FBXO28: variants seen among roughly 807,000 people sequenced by gnomAD.
The protein encoded by FBXO28 is F-box only protein 28.
A neutral mutation model predicts 38.1 loss-of-function variants in FBXO28; 8 were observed. That is an observed-to-expected ratio of 0.21 (90% CI 0.12 to 0.38). The LOEUF (loss-of-function observed/expected upper bound fraction) is 0.38, where lower values mean the gene tolerates loss of function less well. Ranked by LOEUF, FBXO28 falls within the 10% of genes least tolerant of loss-of-function variation. FBXO28 has a pLI of 1.00. For missense variants in FBXO28, 345 were observed against 460.6 expected (o/e 0.75, Z 2.30); for synonymous variants, 168 against 173.8 (o/e 0.97, Z 0.26).
intron 1 of FBXO28, among the ~76,000 whole-genome samples, chr1:224,126,916 C>T (rs960575103): frequency 9.9e-5 from 15 of 152,104 alleles, no homozygotes; most frequent in Admixed American, 3.3e-4. Context: ...TCAAGTCTTC[C>T]GGCTGATTTT....
At chr1:224,115,096 A>G (rs1656615711) in intron 1 of FBXO28, among the ~76,000 whole-genome samples, 1 of 152,042 alleles carries the variant, frequency 6.6e-6, no homozygotes, top group African/African-American at 2.4e-5. Flanking sequence ...CTCTTTTGCA[A>G]TTTATTTTTA....
At chr1:224,150,234 G>A (rs1334442342) in intron 3 of FBXO28, among the ~76,000 whole-genome samples, 1 of 152,158 alleles carries the variant, frequency 6.6e-6, no homozygotes, top group Non-Finnish European at 1.5e-5. Flanking sequence ...TGAGGCAGGA[G>A]AATTGCTTGA....
intron 4 of FBXO28, among the ~76,000 whole-genome samples, chr1:224,154,754 G>T (rs1657731611): frequency 6.6e-6 from 1 of 151,410 alleles, no homozygotes; most frequent in South Asian, 2.1e-4. Flanking sequence ...CTTGCAGTGA[G>T]CCGAGATTGA....
At chr1:224,120,875 AAAAAG>A (rs200123194) in intron 1 of FBXO28, among the ~76,000 whole-genome samples, 9,245 of 150,894 alleles carry the variant, frequency 0.061, 796 homozygotes, top group African/African-American at 0.2. Context: ...AAAAAAAAAA[AAAAAG>A]AAAGAAAGAA....
chr1:224,133,118 G>A (rs1430968239), intron 2 of FBXO28, among the ~76,000 whole-genome samples: 1 of 152,174 alleles, frequency 6.6e-6, no homozygotes, highest in Admixed American at 6.6e-5. Context: ...AAAGAAGCCA[G>A]AAACATAAGG....
intron 3 of FBXO28, among the ~76,000 whole-genome samples, chr1:224,146,203 C>T (rs1339366445): frequency 6.6e-6 from 1 of 151,084 alleles, no homozygotes; most frequent in Admixed American, 6.6e-5. Context: ...CATCACACTC[C>T]AGCCTGGGCG....
intron 2 of FBXO28, 104 bp downstream of exon 2, chr1:224,130,685 T>C: frequency 3.0e-6 from 2 of 677,198 alleles, no homozygotes; most frequent in Middle Eastern, 2.6e-4. Flanking sequence ...CAAGTTTTTA[T>C]AGCAAAGGGC....
At chr1:224,120,666 C>G (rs185645467) in intron 1 of FBXO28, among the ~76,000 whole-genome samples, 1 of 152,088 alleles carries the variant, frequency 6.6e-6, no homozygotes, top group African/African-American at 2.4e-5. Flanking sequence ...AGTTCGAGAC[C>G]AGCCTTACCA....
chr1:224,131,121 G>A (rs553411555), intron 2 of FBXO28: 1 of 152,280 alleles, frequency 6.6e-6, no homozygotes, highest in Non-Finnish European at 1.5e-5. Context: ...TTAAATAAGT[G>A]GAAAGGCATT....
At chr1:224,117,655 A>G (rs1487008304) in intron 1 of FBXO28, among the ~76,000 whole-genome samples, 6 of 152,198 alleles carry the variant, frequency 3.9e-5, no homozygotes, top group Admixed American at 3.3e-4. Context: ...TATGTCACCC[A>G]GGCCCCCTTG....
At chr1:224,122,614 C>G (rs902295922) in intron 1 of FBXO28, among the ~76,000 whole-genome samples, 2 of 151,982 alleles carry the variant, frequency 1.3e-5, no homozygotes, top group Admixed American at 1.3e-4. Flanking sequence ...ACAGCCCCCC[C>G]CAAGCCCCGC....
At chr1:224,119,735 T>G (rs1265622940) in intron 1 of FBXO28, among the ~76,000 whole-genome samples, 2 of 152,148 alleles carry the variant, frequency 1.3e-5, no homozygotes, top group Non-Finnish European at 2.9e-5. Context: ...AGATAATAAG[T>G]TTTTATCCAG....
At position 224,115,669 on chromosome 1, in the gene FBXO28, G is replaced by A. The variant is rs550685470; in HGVS notation, c.267+1273G>A. ...TTGATTGCCTCTGAATTTCCAAAACGTTTTCATTCTAGAATTTCATGTAGA... is the reference window on the plus strand; with the variant it reads ...TTGATTGCCTCTGAATTTCCAAAACATTTTCATTCTAGAATTTCATGTAGA... On this transcript the variant is annotated intron_variant, in intron 1 of 4. Coordinates refer to ENST00000366862, the MANE Select transcript of FBXO28 (RefSeq NM_015176.4). Among the ~76,000 whole-genome samples the A allele has an allele frequency of 2.6e-5, 4 of 152,130 alleles. No homozygotes were observed. The South Asian group carries it at 6.2e-4, about 24-fold the overall frequency.
At chr1:224,133,830 T>A (rs200478860) in intron 2 of FBXO28, among the ~76,000 whole-genome samples, 1 of 242 alleles carries the variant, frequency 4.1e-3, no homozygotes, top group Non-Finnish European at 0.029. Flanking sequence ...CTAATTAAAA[T>A]ATATATATAT....
chr1:224,130,620 T>G (rs1210750801), intron 2 of FBXO28, 39 bp downstream of exon 2: 3 of 1,393,734 alleles, frequency 2.2e-6, no homozygotes, highest in Non-Finnish European at 3.0e-6. Flanking sequence ...GTACAGTTGG[T>G]TTTGTTTGTT....
Position 224,127,143 on chromosome 1 carries a change from G to C in FBXO28, c.268-3329G>C, listed in dbSNP as rs192454283. ...AGAGGTTTCCAGGATCCTGTCACAGGGTCCATAAGATGTAAAGTATTTGTG... is the reference window on the plus strand; with the variant it reads ...AGAGGTTTCCAGGATCCTGTCACAGCGTCCATAAGATGTAAAGTATTTGTG... On this transcript the variant is annotated intron_variant, in intron 1 of 4. Coordinates refer to ENST00000366862, the MANE Select transcript of FBXO28 (RefSeq NM_015176.4). Among the ~76,000 whole-genome samples the C allele has an allele frequency of 1.3e-4, 19 of 149,354 alleles. No individual in the cohort carries two copies. In the East Asian group the frequency reaches 3.4e-3, roughly 26 times the overall value.
At chr1:224,121,806 C>T (rs967051478) in intron 1 of FBXO28, among the ~76,000 whole-genome samples, 4 of 151,854 alleles carry the variant, frequency 2.6e-5, no homozygotes, top group African/African-American at 4.8e-5. Context: ...GAGTCTCGCT[C>T]GCTCTGTCGC....
intron 1 of FBXO28, among the ~76,000 whole-genome samples, chr1:224,129,700 T>C (rs1410375753): frequency 6.6e-6 from 1 of 152,134 alleles, no homozygotes; most frequent in Non-Finnish European, 1.5e-5. Context: ...AGAAATTACA[T>C]GGTGTGAGGC....
intron 1 of FBXO28, among the ~76,000 whole-genome samples, chr1:224,119,135 C>CTTTTTTTTTTTTTTTTTTTTTTTT: frequency 9.1e-6 from 1 of 109,910 alleles, no homozygotes; most frequent in Non-Finnish European, 1.7e-5. Context: ...TCTTTTTTTT[C>CTTTTTTTTTTTTTTTTTTTTTTTT]TTTTTTTTTT....
Sources: gnomAD v4.1 joint callset for allele counts (sites outside exome capture counted in the v4.1 genomes callset) on GRCh38, gnomAD v4.1.1 for gene constraint, MANE v1.5 for transcripts, NCBI Gene and HGNC (gene_info 2026-07-23, HGNC 2026-07-21) for gene names.